ZC3H8: variants seen among roughly 807,000 people sequenced by gnomAD.
ZC3H8 encodes zinc finger CCCH domain-containing protein 8.
Under a neutral mutation model 42.5 loss-of-function variants are expected in ZC3H8, and 27 were observed. That is an observed-to-expected ratio of 0.64 (90% CI 0.47 to 0.88). The LOEUF is 0.88. ZC3H8 is among the 40% of genes least tolerant of loss of function. ZC3H8 has a pLI of 0.00. For missense variants in ZC3H8, 277 were observed against 336.1 expected (o/e 0.82, Z 1.37); for synonymous variants, 101 against 110.1 (o/e 0.92, Z 0.52).
intron 2 of ZC3H8, among the ~76,000 whole-genome samples, chr2:112,242,177 T>A (rs1355345991): frequency 6.6e-6 from 1 of 152,214 alleles, no homozygotes; most frequent in African/African-American, 2.4e-5. Flanking sequence ...CTGGAGTCAG[T>A]GAACTACAAC....
At chr2:112,231,088 G>A (rs1685067172) in intron 7 of ZC3H8, 138 bp from the exon 8 acceptor site, 1 of 508,752 alleles carries the variant, frequency 2.0e-6, no homozygotes, top group Non-Finnish European at 2.8e-6. Context: ...TACTACTACA[G>A]GAACTGAAAA....
intron 6 of ZC3H8, among the ~76,000 whole-genome samples, chr2:112,232,231 A>C (rs1170015923): frequency 2.0e-5 from 3 of 147,652 alleles, no homozygotes; most frequent in Admixed American, 7.0e-5. Context: ...CACCAAAATC[A>C]TTTGAACCTG....
intron 2 of ZC3H8, among the ~76,000 whole-genome samples, chr2:112,249,496 T>C (rs1685872082): frequency 6.6e-6 from 1 of 152,134 alleles, no homozygotes; most frequent in Admixed American, 6.5e-5. Flanking sequence ...CAGGCTGGAG[T>C]GCAGTGGCGG....
intron 8 of ZC3H8, among the ~76,000 whole-genome samples, chr2:112,218,743 C>T (rs985049952): frequency 2.6e-5 from 4 of 152,146 alleles, no homozygotes; most frequent in African/African-American, 9.7e-5. Context: ...GGCTTCCCAT[C>T]AACAGTAGGC....
At chr2:112,230,975 ATC>A in intron 7 of ZC3H8, 25 bp from the exon 8 acceptor site, 1 of 1,207,572 alleles carries the variant, frequency 8.3e-7, no homozygotes, top group African/African-American at 1.6e-5. Flanking sequence ...AAATCACATA[ATC>A]ATTTTTATGC....
intron 8 of ZC3H8, among the ~76,000 whole-genome samples, chr2:112,219,687 C>T (rs192810214): frequency 5.3e-5 from 8 of 151,622 alleles, no homozygotes; most frequent in East Asian, 3.9e-4. Flanking sequence ...ATTTTATGCC[C>T]GGGTGTATGG....
In ZC3H8 at chr2:112,231,894, A is replaced by G. The variant is rs1336352425; in HGVS notation, c.787T>C (p.Tyr263His). ...HTGTKCYQGE[Y>H]CKFSHAPLTP... ...AGTGGAGCATGAGAAAACTTGCAGT[A>G]TTCTCCCTGATAACATTTTGTTCCT... The change falls in exon 7 of 9, where the codon TAC becomes CAC. Residue 263 changes from tyrosine (Y) to histidine (H), a missense_variant. Tyr to His is a moderately conservative substitution (Grantham distance 83, BLOSUM62 2). Coordinates refer to ENST00000409573, the MANE Select transcript of ZC3H8 (RefSeq NM_032494.3). The G allele has an allele frequency of 1.3e-6, 2 of 1,591,018 alleles. No individual in the cohort carries two copies. Among genetic ancestry groups the G allele is most frequent in the Admixed American group, 1.7e-5 (1 of 59,396 alleles).
Position 112,233,323 on chromosome 2 carries a change from C to G in ZC3H8, c.670G>C (p.Glu224Gln). The G allele has an allele frequency of 6.2e-7, 1 of 1,600,338 alleles. No individual in the cohort carries two copies. The highest frequency in any genetic ancestry group is 8.5e-7 in the Non-Finnish European group (1 of 1,172,740). Residue 224 changes from glutamate (E) to glutamine (Q), a missense_variant, in exon 6 of 9, where the codon GAA (glutamate) becomes CAA (glutamine). Glu to Gln is a conservative substitution (Grantham distance 29). Transcript: ENST00000409573. ...CCTTGTACATAAAACTTACACATTT[C>G]CTTTTTCTTTTCTATCTCTGCATCA... ...DHDAEIEKKKEMCKFYVQGYC... is the reference protein window; with the variant it reads ...DHDAEIEKKKQMCKFYVQGYC...
chr2:112,247,412 T>C (rs1272136764), intron 2 of ZC3H8, among the ~76,000 whole-genome samples: 1 of 151,996 alleles, frequency 6.6e-6, no homozygotes, highest in Non-Finnish European at 1.5e-5. Flanking sequence ...CCATCTCTAC[T>C]AAAAATACAA....
chr2:112,235,549 A>T (rs1685282684), intron 4 of ZC3H8, among the ~76,000 whole-genome samples: 1 of 152,154 alleles, frequency 6.6e-6, no homozygotes, highest in African/African-American at 2.4e-5. Context: ...AATGTTTTTC[A>T]ATCTAGAATA....
intron 2 of ZC3H8, among the ~76,000 whole-genome samples, chr2:112,239,026 T>C (rs1014506403): frequency 6.6e-6 from 1 of 152,236 alleles, no homozygotes; most frequent in African/African-American, 2.4e-5. Flanking sequence ...CAAAGTCTAG[T>C]CTTTCTCCTA....
intron 2 of ZC3H8, chr2:112,240,231 T>G (rs1685522358): frequency 6.6e-6 from 1 of 152,254 alleles, no homozygotes; most frequent in African/African-American, 2.4e-5. Context: ...ACAGTTTTAC[T>G]GTAACACCAA....
At chr2:112,235,597 T>C (rs1489916617) in intron 4 of ZC3H8, among the ~76,000 whole-genome samples, 1 of 152,100 alleles carries the variant, frequency 6.6e-6, no homozygotes, top group Non-Finnish European at 1.5e-5. Flanking sequence ...CTTACCCTTG[T>C]CCCATATGAC....
intron 4 of ZC3H8, among the ~76,000 whole-genome samples, chr2:112,234,569 G>A (rs1685234184): frequency 6.6e-6 from 1 of 152,206 alleles, no homozygotes; most frequent in Non-Finnish European, 1.5e-5. Flanking sequence ...GGGAGGCTGA[G>A]GCGGGTGGAC....
At chr2:112,235,631 A>G (rs1685286360) in intron 4 of ZC3H8, among the ~76,000 whole-genome samples, 1 of 152,178 alleles carries the variant, frequency 6.6e-6, no homozygotes, top group African/African-American at 2.4e-5. Flanking sequence ...AAAAGTTGCC[A>G]TCCAGTTAAA....
chr2:112,254,863 C>G (rs754451886), intron 1 of ZC3H8, 45 bp downstream of exon 1: 6 of 1,595,126 alleles, frequency 3.8e-6, no homozygotes, highest in Non-Finnish European at 5.1e-6. Flanking sequence ...GAGGCGGAGT[C>G]CCGCTGAGCC....
At chr2:112,219,599 T>C (rs927849325) in intron 8 of ZC3H8, among the ~76,000 whole-genome samples, 13 of 152,180 alleles carry the variant, frequency 8.5e-5, no homozygotes, top group Non-Finnish European at 1.5e-5. Flanking sequence ...TTTCTTAGCA[T>C]TGATTTCTAC....
chr2:112,224,743 A>G (rs796087423), intron 8 of ZC3H8, among the ~76,000 whole-genome samples: 6 of 152,370 alleles, frequency 3.9e-5, no homozygotes, highest in African/African-American at 1.4e-4. Context: ...AATTCTGCTT[A>G]TATGAAATTC....
chr2:112,242,184 C>T (rs998949386), intron 2 of ZC3H8, among the ~76,000 whole-genome samples: 6 of 152,192 alleles, frequency 3.9e-5, no homozygotes, highest in Admixed American at 2.6e-4. Flanking sequence ...CAGTGAACTA[C>T]AACCCAAGGG....
Sources: allele counts gnomAD v4.1 joint callset (sites outside exome capture counted in the v4.1 genomes callset), GRCh38; gene constraint gnomAD v4.1.1; transcripts MANE v1.5; gene names NCBI Gene and HGNC (gene_info 2026-07-23, HGNC 2026-07-21).